RPS6KC1: variants seen among roughly 807,000 people sequenced by gnomAD.
RPS6KC1 encodes the protein ribosomal protein S6 kinase C1.
In RPS6KC1, 54 loss-of-function variants were observed where a neutral mutation model predicts 103.8. The observed-to-expected ratio is 0.52, with a 90% confidence interval of 0.42 to 0.65. The LOEUF (loss-of-function observed/expected upper bound fraction) is 0.65. Among genes scored for constraint, RPS6KC1 ranks in the 30% least tolerant of loss-of-function variants. The probability of loss-of-function intolerance (pLI) is 0.00; values close to 1 mark genes in which losing one functional copy is unlikely to be tolerated. For missense variants in RPS6KC1, 1,151 were observed against 1,253.8 expected (o/e 0.92, Z 1.24); for synonymous variants, 439 against 438.7 (o/e 1.00, Z -0.01).
the RPS6KC1 span, among the ~76,000 whole-genome samples, chr1:213,360,609 T>C: frequency 2.0e-5 from 3 of 152,358 alleles, no homozygotes; most frequent in African/African-American, 7.2e-5. Flanking sequence ...AGGAGCTGCG[T>C]TCCTTTGGAG....
chr1:213,561,333 A>AT, the RPS6KC1 span, among the ~76,000 whole-genome samples: 5 of 151,430 alleles, frequency 3.3e-5, no homozygotes, highest in East Asian at 1.9e-4. Context: ...GTAATAGCTA[A>AT]TTTTTTTTTG....
the RPS6KC1 span, among the ~76,000 whole-genome samples, chr1:213,587,387 G>A: frequency 6.6e-6 from 1 of 152,164 alleles, no homozygotes; most frequent in Non-Finnish European, 1.5e-5. Context: ...TCTAAACACT[G>A]GGAAAGTATG....
chr1:213,625,372 C>T, the RPS6KC1 span, among the ~76,000 whole-genome samples: 1 of 151,900 alleles, frequency 6.6e-6, no homozygotes, highest in African/African-American at 2.4e-5. Context: ...TGGTAACATG[C>T]AGTATGGAAA....
chr1:213,565,078 G>A, the RPS6KC1 span, among the ~76,000 whole-genome samples: 1 of 152,176 alleles, frequency 6.6e-6, no homozygotes, highest in African/African-American at 2.4e-5. Flanking sequence ...ACCACAGTGA[G>A]TGACATACTA....
At chr1:213,462,359 A>G in the RPS6KC1 span, among the ~76,000 whole-genome samples, 429 of 152,310 alleles carry the variant, frequency 2.8e-3, 1 homozygote, top group Non-Finnish European at 4.9e-3. Context: ...GCAATTCCTC[A>G]AGGATCTAGA....
the RPS6KC1 span, among the ~76,000 whole-genome samples, chr1:213,282,482 G>A: frequency 2.6e-5 from 4 of 152,174 alleles, no homozygotes; most frequent in African/African-American, 9.7e-5. Flanking sequence ...CACAGGGAGT[G>A]CATGATAACA....
the RPS6KC1 span, among the ~76,000 whole-genome samples, chr1:213,465,551 C>G: frequency 6.6e-6 from 1 of 152,158 alleles, no homozygotes; most frequent in Non-Finnish European, 1.5e-5. Flanking sequence ...CCAGGTCACT[C>G]TAGGTGTGTC....
chr1:213,151,466 CG>C (rs2088888551), intron 6 of RPS6KC1, among the ~76,000 whole-genome samples: 1 of 135,756 alleles, frequency 7.4e-6, no homozygotes, highest in Non-Finnish European at 1.6e-5. Context: ...GCTGGCCGGG[CG>C]GGGGGCTGAC....
chr1:213,564,421 C>T, the RPS6KC1 span, among the ~76,000 whole-genome samples: 1 of 152,142 alleles, frequency 6.6e-6, no homozygotes, highest in East Asian at 1.9e-4. Flanking sequence ...AAGAGGGACA[C>T]TGAAAGCCTG....
chr1:213,445,527 T>C, the RPS6KC1 span, among the ~76,000 whole-genome samples: 2 of 152,096 alleles, frequency 1.3e-5, no homozygotes, highest in Non-Finnish European at 2.9e-5. Context: ...AGGGAGAAAC[T>C]GATGAAATTC....
chr1:213,607,938 A>G, the RPS6KC1 span, among the ~76,000 whole-genome samples: 5 of 152,124 alleles, frequency 3.3e-5, no homozygotes, highest in Non-Finnish European at 7.4e-5. Flanking sequence ...TCTCCCATCC[A>G]TGGATCGTGG....
chr1:213,738,719 G>T, the RPS6KC1 span, among the ~76,000 whole-genome samples: 1 of 151,866 alleles, frequency 6.6e-6, no homozygotes, highest in Non-Finnish European at 1.5e-5. Flanking sequence ...ATAAGGCCGG[G>T]TGTGGTGTCT....
chr1:213,351,813 T>C, the RPS6KC1 span, among the ~76,000 whole-genome samples: 4 of 152,170 alleles, frequency 2.6e-5, no homozygotes, highest in Non-Finnish European at 4.4e-5. Context: ...GTGGCATCAC[T>C]TTTGTGAGTC....
At chr1:213,677,542 G>C in the RPS6KC1 span, among the ~76,000 whole-genome samples, 1 of 152,144 alleles carries the variant, frequency 6.6e-6, no homozygotes, top group South Asian at 2.1e-4. Flanking sequence ...GTAGATTTTA[G>C]GAACTCCCCA....
At chr1:213,058,281 C>T (rs2077523245) in intron 1 of RPS6KC1, among the ~76,000 whole-genome samples, 1 of 151,860 alleles carries the variant, frequency 6.6e-6, no homozygotes, top group Non-Finnish European at 1.5e-5. Context: ...TGGTGAAGTC[C>T]AGTTTATCAG....
the RPS6KC1 span, among the ~76,000 whole-genome samples, chr1:213,417,423 A>G: frequency 1.3e-5 from 2 of 152,138 alleles, no homozygotes; most frequent in Non-Finnish European, 2.9e-5. Flanking sequence ...ATAATACAAT[A>G]ACCGAGATAA....
the RPS6KC1 span, among the ~76,000 whole-genome samples, chr1:213,685,186 G>A: frequency 6.6e-6 from 1 of 152,170 alleles, no homozygotes; most frequent in Non-Finnish European, 1.5e-5. Context: ...CAAGAACTGC[G>A]CTAATTCTCT....
chr1:213,097,378 T>C (rs2081562466), intron 3 of RPS6KC1, among the ~76,000 whole-genome samples: 1 of 152,176 alleles, frequency 6.6e-6, no homozygotes, highest in African/African-American at 2.4e-5. Flanking sequence ...AGGAATCTTT[T>C]TTTCTGTGCA....
chr1:213,581,215 A>G, the RPS6KC1 span, among the ~76,000 whole-genome samples: 1 of 151,940 alleles, frequency 6.6e-6, no homozygotes, highest in Non-Finnish European at 1.5e-5. Context: ...CTGTAGTCCA[A>G]CTGACTCCCT....
Sources: allele counts gnomAD v4.1 joint callset (sites outside exome capture counted in the v4.1 genomes callset), GRCh38; gene constraint gnomAD v4.1.1; transcripts MANE v1.5; gene names NCBI Gene and HGNC (gene_info 2026-07-23, HGNC 2026-07-21).